The following SEMA5A variants were observed in gnomAD, a reference collection of about 807,000 sequenced individuals.
SEMA5A encodes semaphorin-5A.
In SEMA5A, 55 loss-of-function variants were observed where a neutral mutation model predicts 135.5. That is an observed-to-expected ratio of 0.41 (90% CI 0.33 to 0.51). The LOEUF (loss-of-function observed/expected upper bound fraction) is 0.51. SEMA5A is among the 20% of genes least tolerant of loss of function. The pLI is 0.37. For missense variants in SEMA5A, 1,290 were observed against 1,419.9 expected (o/e 0.91, Z 1.47); for synonymous variants, 580 against 546.5 (o/e 1.06, Z -0.85).
rs1380381150 is a variant in SEMA5A at position 9,035,779 on chromosome 5, G to A, written c.*7118C>T. On this transcript the variant is annotated 3_prime_UTR_variant, in exon 23 of 23. Coordinates refer to ENST00000382496, the MANE Select transcript of SEMA5A (RefSeq NM_003966.3). Reference sequence around the variant, plus strand: ...ACAAAGGACCCAGCAATCTACAAGTGTTCTAGCATAGCAACCCAAGATCCA... The same window carrying A: ...ACAAAGGACCCAGCAATCTACAAGTATTCTAGCATAGCAACCCAAGATCCA... The A allele has an allele frequency of 1.3e-5, 2 of 152,022 alleles. No individual in the cohort carries two copies. The highest frequency in any genetic ancestry group is 2.9e-5 in the Non-Finnish European group (2 of 68,012). 9.4% of individuals were successfully genotyped at this position (152,022 alleles called of 1,614,324 possible).
At chr5:9,138,892 T>A (rs920948430) in intron 12 of SEMA5A, among the ~76,000 whole-genome samples, 5 of 152,238 alleles carry the variant, frequency 3.3e-5, no homozygotes, top group African/African-American at 1.2e-4. Context: ...TCACTTAGAA[T>A]AATAGTCTCC....
chr5:9,197,334 C>A (rs1198030753), intron 9 of SEMA5A, 31 bp from the exon 10 acceptor site: 2 of 1,604,276 alleles, frequency 1.2e-6, no homozygotes, highest in South Asian at 2.2e-5. Flanking sequence ...AGAAGGCAGT[C>A]AGAGAGCTCG....
intron 2 of SEMA5A, among the ~76,000 whole-genome samples, chr5:9,392,602 AT>A (rs1756211320): frequency 6.6e-6 from 1 of 152,166 alleles, no homozygotes; most frequent in African/African-American, 2.4e-5. Flanking sequence ...TGTGGGAGGA[AT>A]AACAGGACTT....
At chr5:9,259,529 G>A (rs1316428193) in intron 5 of SEMA5A, among the ~76,000 whole-genome samples, 1 of 151,496 alleles carries the variant, frequency 6.6e-6, no homozygotes, top group Non-Finnish European at 1.5e-5. Context: ...TGTATATTCT[G>A]TTGATTTGGG....
At chr5:9,136,834 CTA>C (rs1343981783) in intron 12 of SEMA5A, among the ~76,000 whole-genome samples, 2 of 152,148 alleles carry the variant, frequency 1.3e-5, no homozygotes. Flanking sequence ...TTTGAAAAAT[CTA>C]TGTTTTAATC....
At position 9,052,212 on chromosome 5, in the gene SEMA5A, G is replaced by A. The variant is rs570317777; in HGVS notation, c.2690-184C>T. ...CAGATCCAGTACATACAGTACACACGAGGATGAATAAAAGTGCCTGCGCTG... is the reference window on the plus strand; with the variant it reads ...CAGATCCAGTACATACAGTACACACAAGGATGAATAAAAGTGCCTGCGCTG... On this transcript the variant is annotated intron_variant, in intron 19 of 22. Transcript: ENST00000382496. Among the ~76,000 whole-genome samples, 10 of 152,240 alleles carry A rather than the reference G, an allele frequency of 6.6e-5. No homozygotes were observed. The East Asian group carries it at 1.4e-3, about 21-fold the overall frequency.
chr5:9,066,180 TA>T (rs1737452532), intron 17 of SEMA5A, among the ~76,000 whole-genome samples: 2 of 152,228 alleles, frequency 1.3e-5, no homozygotes, highest in African/African-American at 2.4e-5. Context: ...CTATAATAAA[TA>T]TAGTGTTATC....
chr5:9,203,642 C>A (rs1003359160), intron 8 of SEMA5A, among the ~76,000 whole-genome samples: 1 of 152,180 alleles, frequency 6.6e-6, no homozygotes, highest in Non-Finnish European at 1.5e-5. Flanking sequence ...TTTAATCCAA[C>A]TTTACATTTT....
At position 9,434,432 on chromosome 5, in the gene SEMA5A, A is replaced by T. The variant is rs980147940; in HGVS notation, c.-78+3324T>A. 2.6e-5 allele frequency among the ~76,000 whole-genome samples: 4 copies of T among 152,122 alleles called. No homozygotes were observed. In the South Asian group the frequency reaches 6.2e-4, roughly 24 times the overall value. ...TTCACTACATTAATGCACTTTAAAA[A>T]TTTTTTTAATTGTAAAAATAATAAT... On this transcript the variant is annotated intron_variant, in intron 2 of 22. Transcript: ENST00000382496.
At chr5:9,045,462 A>C (rs1441410514) in intron 21 of SEMA5A, among the ~76,000 whole-genome samples, 1 of 152,228 alleles carries the variant, frequency 6.6e-6, no homozygotes, top group Non-Finnish European at 1.5e-5. Context: ...ATGAATATGC[A>C]CACATTAGAA....
chr5:9,291,437 C>G (rs1210688111), intron 5 of SEMA5A, among the ~76,000 whole-genome samples: 1 of 152,156 alleles, frequency 6.6e-6, no homozygotes, highest in East Asian at 1.9e-4. Context: ...ATGGCCTTAA[C>G]TGGCCTGGAA....
At chr5:9,469,923 C>T (rs1759413908) in intron 1 of SEMA5A, among the ~76,000 whole-genome samples, 1 of 152,126 alleles carries the variant, frequency 6.6e-6, no homozygotes, top group Admixed American at 6.5e-5. Flanking sequence ...ATTCCTGAGT[C>T]TGCAATTTAG....
intron 21 of SEMA5A, among the ~76,000 whole-genome samples, chr5:9,044,888 G>T (rs972617364): frequency 4.6e-5 from 7 of 152,034 alleles, no homozygotes; most frequent in African/African-American, 1.4e-4. Context: ...GGGTTCAAGC[G>T]ATTCTCCTGC....
intron 8 of SEMA5A, among the ~76,000 whole-genome samples, chr5:9,221,942 C>A (rs1484892782): frequency 6.6e-6 from 1 of 152,058 alleles, no homozygotes; most frequent in African/African-American, 2.4e-5. Flanking sequence ...ACGGAGCTGA[C>A]CTGAGGGCCT....
intron 16 of SEMA5A, among the ~76,000 whole-genome samples, chr5:9,075,611 T>C (rs372508832): frequency 1.3e-5 from 2 of 149,286 alleles, no homozygotes; most frequent in African/African-American, 4.9e-5. Context: ...TTAGGGAATA[T>C]GAAAACTAAT....
intron 16 of SEMA5A, among the ~76,000 whole-genome samples, chr5:9,070,247 T>C (rs1276228870): frequency 6.6e-6 from 1 of 152,134 alleles, no homozygotes; most frequent in Non-Finnish European, 1.5e-5. Context: ...GGCAGGTGCC[T>C]GTAGTCCCAG....
intron 1 of SEMA5A, among the ~76,000 whole-genome samples, chr5:9,452,690 A>G (rs758433863): frequency 1.3e-5 from 2 of 152,198 alleles, no homozygotes; most frequent in Non-Finnish European, 2.9e-5. Flanking sequence ...TTAAAAGAAA[A>G]ACTGAGATGC....
At chr5:9,375,127 A>AC (rs1755308968) in intron 3 of SEMA5A, among the ~76,000 whole-genome samples, 1 of 152,108 alleles carries the variant, frequency 6.6e-6, no homozygotes, top group African/African-American at 2.4e-5. Context: ...CCTTTGATAT[A>AC]TCCCCACACA....
intron 1 of SEMA5A, among the ~76,000 whole-genome samples, chr5:9,503,943 G>C (rs371886489): frequency 6.6e-6 from 1 of 152,088 alleles, no homozygotes; most frequent in East Asian, 1.9e-4. Context: ...ACGGCTGGGC[G>C]CGGTGGCTCA....
Sources: gnomAD v4.1 joint callset for allele counts (sites outside exome capture counted in the v4.1 genomes callset) on GRCh38, gnomAD v4.1.1 for gene constraint, MANE v1.5 for transcripts, NCBI Gene and HGNC (gene_info 2026-07-23, HGNC 2026-07-21) for gene names.